The following FRK variants were observed in gnomAD, a reference collection of about 807,000 sequenced individuals.
FRK encodes the protein tyrosine-protein kinase FRK.
FRK carries 51 observed loss-of-function variants against 56.4 expected under a neutral mutation model. The ratio of observed to expected loss-of-function variants is 0.90; its 90% CI spans 0.72 to 1.14. FRK has a LOEUF of 1.14. Among genes scored for constraint, FRK ranks in the 50% most tolerant of loss-of-function variants. FRK has a pLI of 0.00. For missense variants in FRK, 570 were observed against 601.4 expected (o/e 0.95, Z 0.55); for synonymous variants, 245 against 217.9 (o/e 1.12, Z -1.10).
chr6:116,058,768 G>C (rs187791652), intron 1 of FRK, among the ~76,000 whole-genome samples: 150 of 151,896 alleles, frequency 9.9e-4, no homozygotes, highest in Admixed American at 3.5e-3. Flanking sequence ...AAAATTAGCC[G>C]GGCGTGGTGG....
intron 5 of FRK, among the ~76,000 whole-genome samples, chr6:115,954,736 G>T (rs1022806590): frequency 6.4e-4 from 98 of 152,140 alleles, no homozygotes; most frequent in Non-Finnish European, 1.3e-4. Flanking sequence ...AAGTACTTTA[G>T]AGAATTGTAC....
the FRK span, among the ~76,000 whole-genome samples, chr6:116,073,429 A>G: frequency 6.6e-6 from 1 of 152,158 alleles, no homozygotes; most frequent in Non-Finnish European, 1.5e-5. Flanking sequence ...CACCAGAAAA[A>G]TTTCAGTGGA....
At chr6:116,066,665 T>C in the FRK span, among the ~76,000 whole-genome samples, 2 of 152,188 alleles carry the variant, frequency 1.3e-5, no homozygotes, top group Non-Finnish European at 2.9e-5. Flanking sequence ...TCCCTCCATC[T>C]GGCACCACTC....
At chr6:116,062,035 A>C (rs1380026636), upstream of FRK, among the ~76,000 whole-genome samples, 1 of 151,396 alleles carries the variant, frequency 6.6e-6, no homozygotes, top group Non-Finnish European at 1.5e-5. Context: ...AAGAAAAGAA[A>C]AGAAAAAGAA....
At chr6:115,986,661 A>G (rs1330537442) in intron 2 of FRK, among the ~76,000 whole-genome samples, 28 of 152,166 alleles carry the variant, frequency 1.8e-4, no homozygotes, top group Non-Finnish European at 1.5e-5. Flanking sequence ...AGATTCTAGC[A>G]AGAAGGTTTA....
rs990388086 is a variant in FRK, at chr6:116,060,508, G to A, written c.-197C>T. 4 of 553,282 alleles carry A rather than the reference G, an allele frequency of 7.2e-6. No individual in the cohort carries two copies. Among genetic ancestry groups the A allele is most frequent in the East Asian group, 2.9e-5 (1 of 34,250 alleles). 34.3% of individuals were successfully genotyped at this position (553,282 alleles called of 1,614,324 possible). A position where few individuals can be genotyped will look rare whatever the true frequency, so the allele number is the denominator to read the frequency against. ...CCTACCTGGAGAGACTTACCGGCTT[G>A]CTTTCTGTGGCTGGAGGTGCTACCC... On this transcript the variant is annotated 5_prime_UTR_variant, in exon 1 of 8. Transcript: ENST00000606080.
intron 5 of FRK, among the ~76,000 whole-genome samples, chr6:115,953,524 G>A (rs1772869766): frequency 6.6e-6 from 1 of 152,136 alleles, no homozygotes; most frequent in Non-Finnish European, 1.5e-5. Flanking sequence ...CCTCTTGACT[G>A]GGGAAGGGGC....
the FRK span, among the ~76,000 whole-genome samples, chr6:116,083,738 C>T: frequency 2.0e-5 from 3 of 152,226 alleles, no homozygotes; most frequent in East Asian, 3.9e-4. Flanking sequence ...TAGTAACAAT[C>T]ATAGTTTACT....
At chr6:116,067,437 G>A in the FRK span, among the ~76,000 whole-genome samples, 3 of 150,982 alleles carry the variant, frequency 2.0e-5, no homozygotes, top group African/African-American at 4.9e-5. Context: ...CTGTATTTAC[G>A]TCTTCTATTT....
intron 4 of FRK, among the ~76,000 whole-genome samples, chr6:115,966,030 C>T (rs1369799110): frequency 2.2e-4 from 21 of 94,226 alleles, no homozygotes; most frequent in African/African-American, 8.5e-4. Flanking sequence ...TGCACATGTA[C>T]CCTAAAACTT....
At position 115,933,743 on chromosome 6, in the gene FRK, A is replaced by AAAAGGAACTAT. The variant is rs1771997289; in HGVS notation, c.*8660_*8670dup. 1 of 152,194 alleles carries AAAAGGAACTAT rather than the reference A, an allele frequency of 6.6e-6. No individual in the cohort carries two copies. Among genetic ancestry groups the AAAAGGAACTAT allele is most frequent in the African/African-American group, 2.4e-5 (1 of 41,460 alleles). The allele number at this position is 152,194 out of a possible 1,614,324, so 9.4% of individuals were successfully genotyped here. ...AATTAAACATGAAATGAATTCAAAG[A>AAAAGGAACTAT]AAAGGAACTATTTTCTTTCCATTTA... On this transcript the variant is annotated 3_prime_UTR_variant, in exon 8 of 8. Transcript: ENST00000606080.
chr6:116,082,011 G>A, the FRK span, among the ~76,000 whole-genome samples: 1 of 152,174 alleles, frequency 6.6e-6, no homozygotes. Context: ...GATAAATGGT[G>A]TGTGGGAAAT....
At chr6:115,948,127 G>T (rs924549141) in intron 5 of FRK, among the ~76,000 whole-genome samples, 1 of 152,176 alleles carries the variant, frequency 6.6e-6, no homozygotes, top group Non-Finnish European at 1.5e-5. Context: ...CCACCCTGTT[G>T]TTCTCTCGCT....
intron 5 of FRK, among the ~76,000 whole-genome samples, chr6:115,951,270 A>G (rs180997136): frequency 1.3e-5 from 2 of 152,324 alleles, no homozygotes; most frequent in East Asian, 3.9e-4. Flanking sequence ...TTTAAAGAAA[A>G]AAAGTATATA....
intron 2 of FRK, among the ~76,000 whole-genome samples, chr6:115,969,307 C>A (rs1442938895): frequency 6.6e-6 from 1 of 152,058 alleles, no homozygotes; most frequent in African/African-American, 2.4e-5. Flanking sequence ...TAACACAGTT[C>A]AATAAAAGCA....
intron 1 of FRK, among the ~76,000 whole-genome samples, chr6:116,017,987 A>C (rs1775714568): frequency 6.6e-6 from 1 of 152,210 alleles, no homozygotes; most frequent in South Asian, 2.1e-4. Context: ...TTTAAGTACA[A>C]TACAGAGCAG....
chr6:115,982,332 T>C (rs2114639859), intron 2 of FRK, among the ~76,000 whole-genome samples: 1 of 152,286 alleles, frequency 6.6e-6, no homozygotes, highest in East Asian at 1.9e-4. Context: ...CCAGCCTTTC[T>C]GGGTTTCTAC....
At chr6:116,001,368 GA>G (rs1432737944) in intron 2 of FRK, among the ~76,000 whole-genome samples, 1 of 152,022 alleles carries the variant, frequency 6.6e-6, no homozygotes, top group Non-Finnish European at 1.5e-5. Context: ...GATATAGATA[GA>G]TTTATAGATA....
chr6:115,975,268 T>G lies in FRK; in HGVS notation c.467-6529A>C, dbSNP rs140427078. Among the ~76,000 whole-genome samples the G allele has an allele frequency of 2.9e-3, 436 of 152,230 alleles. 4 individuals carry two copies. Among genetic ancestry groups the G allele is most frequent in the African/African-American group, 9.6e-3 (400 of 41,552 alleles). ...TTTTTTTCATCTCTTACTGGCATCATGAGCATTTATATATGGTTCCTTCAA... is the reference window on the plus strand; with the variant it reads ...TTTTTTTCATCTCTTACTGGCATCAGGAGCATTTATATATGGTTCCTTCAA... On this transcript the variant is annotated intron_variant, in intron 2 of 7. Transcript: ENST00000606080.
Sources: allele counts gnomAD v4.1 joint callset (sites outside exome capture counted in the v4.1 genomes callset), GRCh38; gene constraint gnomAD v4.1.1; transcripts MANE v1.5; gene names NCBI Gene and HGNC (gene_info 2026-07-23, HGNC 2026-07-21).